EGR2: variants seen among roughly 807,000 people sequenced by gnomAD.
EGR2 encodes the protein early growth response 2.
EGR2 carries 2 observed loss-of-function variants against 21.2 expected under a neutral mutation model. The observed-to-expected ratio is 0.09, with a 90% CI of 0.04 to 0.30. The LOEUF is 0.30. Ranked by LOEUF, EGR2 falls within the 10% of genes least tolerant of loss-of-function variation. EGR2 has a pLI of 1.00. For missense variants in EGR2, 458 were observed against 630.2 expected (o/e 0.73, Z 2.93); for synonymous variants, 282 against 258.2 (o/e 1.09, Z -0.88).
intron 1 of EGR2, among the ~76,000 whole-genome samples, chr10:62,815,597 A>T (rs1842244865): frequency 6.6e-6 from 1 of 151,566 alleles, no homozygotes; most frequent in South Asian, 2.1e-4. Context: ...CGCCTCTTCC[A>T]CCCCCATCCC....
In EGR2 at chr10:62,815,899, A is replaced by T; in HGVS notation, c.131T>A (p.Leu44Gln). The change falls in exon 1 of 2, where the codon CTG becomes CAG. Residue 44 changes from leucine (L) to glutamine (Q), a missense_variant. Coordinates refer to ENST00000242480, the MANE Select transcript of EGR2 (RefSeq NM_000399.5). ...TSVTIFPNAE[L>Q]GGPFDQMNGV... ...GTTCATCTGGTCAAAGGGGCCTCCC[A>T]GTTCGGCATTGGGAAAGATGGTCAC... The T allele has an allele frequency of 6.2e-7, 1 of 1,614,158 alleles. No homozygotes were observed. Among genetic ancestry groups the T allele is most frequent in the Non-Finnish European group, 8.5e-7 (1 of 1,179,974 alleles).
chr10:62,814,900 C>T lies in EGR2; in HGVS notation c.170-432G>A, dbSNP rs1842221107. Among the ~76,000 whole-genome samples the T allele has an allele frequency of 6.6e-6, 1 of 152,178 alleles. No homozygotes were observed. Among genetic ancestry groups the T allele is most frequent in the Non-Finnish European group, 1.5e-5 (1 of 68,038 alleles). ...AAGAATCGACCTATCCCAGTCAGTG[C>T]CGTGATGGTGCCAAACCGAGAGGAG... On this transcript the variant is annotated intron_variant, in intron 1 of 1. Transcript: ENST00000242480. The surrounding 1 kb of genome is among the most constrained non-coding windows in gnomAD (Gnocchi z 4.8).
upstream of EGR2, among the ~76,000 whole-genome samples, chr10:62,818,142 G>A (rs1338060543): frequency 2.0e-5 from 3 of 152,148 alleles, no homozygotes; most frequent in Non-Finnish European, 4.4e-5. Context: ...GAAGCGCGGC[G>A]CTGCAGGCGG....
At chr10:62,815,802 C>T (rs1304990943) in intron 1 of EGR2, 59 bp downstream of exon 1, 20 of 1,599,742 alleles carry the variant, frequency 1.3e-5, no homozygotes, top group South Asian at 1.0e-4. Context: ...ACACCCACTG[C>T]ACCCCATCCA....
Position 62,813,465 on chromosome 10 carries a change from G to A in EGR2, c.1173C>T (p.Thr391=), listed in dbSNP as rs759778651. ...RSDHLTTHIR[T]HTGEKPFACD... ...AGGCGAAGGGCTTCTCACCGGTGTG[G>A]GTGCGGATATGGGTGGTGAGGTGGT... The change falls in exon 2 of 2, where the codon ACC becomes ACT. Residue 391 remains threonine, a synonymous_variant. Coordinates refer to ENST00000242480, the MANE Select transcript of EGR2 (RefSeq NM_000399.5). The surrounding 1 kb of genome is among the most constrained non-coding windows in gnomAD (Gnocchi z 5.7). 1 of 1,614,088 alleles carries A rather than the reference G, an allele frequency of 6.2e-7. No homozygotes were observed. Among genetic ancestry groups the A allele is most frequent in the Non-Finnish European group, 8.5e-7 (1 of 1,180,050 alleles).
chr10:62,815,314 TACTA>T (rs953637247), intron 1 of EGR2, among the ~76,000 whole-genome samples: 4 of 152,118 alleles, frequency 2.6e-5, no homozygotes, highest in Admixed American at 6.5e-5. Flanking sequence ...GCCCCCGCCT[TACTA>T]ACCCCCTCAA....
upstream of EGR2, chr10:62,818,574 C>G (rs1234619207): frequency 7.8e-7 from 1 of 1,277,696 alleles, no homozygotes; most frequent in Non-Finnish European, 1.0e-6. Flanking sequence ...TGCGCTCTGG[C>G]GGGTCCCGCG....
upstream of EGR2, chr10:62,818,533 G>A: frequency 1.1e-5 from 13 of 1,227,824 alleles, no homozygotes; most frequent in Non-Finnish European, 1.4e-5. Flanking sequence ...AGATAGCTGC[G>A]TTCTTACCAC....
intron 1 of EGR2, 104 bp downstream of exon 1, chr10:62,815,757 C>T (rs757183289): frequency 7.1e-6 from 10 of 1,410,620 alleles, no homozygotes; most frequent in Non-Finnish European, 8.8e-6. Flanking sequence ...CAGCACCGTC[C>T]ACCTGGAGCC....
Position 62,814,073 on chromosome 10 carries a change from G to A in EGR2, c.565C>T (p.Leu189=). 2 of 1,614,114 alleles carry A rather than the reference G, an allele frequency of 1.2e-6. No homozygotes were observed. The highest frequency in any genetic ancestry group is 1.1e-5 in the South Asian group (1 of 91,086). The change falls in exon 2 of 2, where the codon CTG becomes TTG. Residue 189 remains leucine, a synonymous_variant. Transcript: ENST00000242480. The surrounding 1 kb of genome is among the most constrained non-coding windows in gnomAD (Gnocchi z 4.8). ...GDLYQDPSAF[L]SAATTSTSSS... ...GAGGTGGAGGTGGTGGCTGCTGACA[G>A]GAACGCAGAAGGGTCCTGGTAGAGG... is the stretch of plus-strand genomic sequence containing the variant.
chr10:62,817,160 C>T (rs1838269283), upstream of EGR2, among the ~76,000 whole-genome samples: 1 of 152,194 alleles, frequency 6.6e-6, no homozygotes, highest in African/African-American at 2.4e-5. This position sits in a 1 kb window ranked among gnomAD's most constrained non-coding sequence, Gnocchi z 4.4. Context: ...GAGACACCCT[C>T]CTTCCTCTGC....
At position 62,816,067 on chromosome 10, in the gene EGR2, T is replaced by C. The variant is rs758114205; in HGVS notation, c.-38A>G. ...CAACCTGGAGACCCAACTCCCTCGC[T>C]ACCTGGAGTGTCAGAAAAGCCGTTT... On this transcript the variant is annotated 5_prime_UTR_variant, in exon 1 of 2. Coordinates refer to ENST00000242480, the MANE Select transcript of EGR2 (RefSeq NM_000399.5). 3.1e-6 allele frequency: 5 copies of C among 1,613,864 alleles called. No homozygotes were observed. Among genetic ancestry groups the C allele is most frequent in the Non-Finnish European group, 4.2e-6 (5 of 1,179,990 alleles).
At chr10:62,818,712 G>T, upstream of EGR2, 1 of 882,666 alleles carries the variant, frequency 1.1e-6, no homozygotes, top group Non-Finnish European at 1.5e-6. Context: ...TGGGGCTCGG[G>T]TTACGGCCCC....
chr10:62,816,305 G>A lies in EGR2; in HGVS notation c.-276C>T, dbSNP rs1177290971. 4.7e-5 allele frequency: 62 copies of A among 1,324,812 alleles called. No homozygotes were observed. Among genetic ancestry groups the A allele is most frequent in the Non-Finnish European group, 5.5e-5 (57 of 1,031,578 alleles). 82.1% of individuals were successfully genotyped at this position (1,324,812 alleles called of 1,614,324 possible). A position where few individuals can be genotyped will look rare whatever the true frequency, so the allele number is the denominator to read the frequency against. The stretch of plus-strand genomic sequence containing the variant: ...GGAAGCCAGGAGTTGCTGGTGTAGT[G>A]TTATTATAACAGTCAGTGAGTCCCC... On this transcript the variant is annotated 5_prime_UTR_variant, in exon 1 of 2. Transcript: ENST00000242480.
Position 62,814,106 on chromosome 10 carries a change from C to T in EGR2, c.532G>A (p.Ala178Thr), listed in dbSNP as rs1244249285. Residue 178 changes from alanine to threonine, a missense_variant, in exon 2 of 2, where the codon GCA becomes ACA. Transcript: ENST00000242480. This position sits in a 1 kb window ranked among gnomAD's most constrained non-coding sequence, Gnocchi z 4.8. Reference sequence around the variant, plus strand: ...GAAGGGTCCTGGTAGAGGTCTCCTGCACAGCCAGAATAAGGAGGAGGAGGC... The same window carrying T: ...GAAGGGTCCTGGTAGAGGTCTCCTGTACAGCCAGAATAAGGAGGAGGAGGC... Reference protein sequence around the residue: ...PPPPPPYSGCAGDLYQDPSAF... With the variant: ...PPPPPPYSGCTGDLYQDPSAF... 6.2e-7 allele frequency: 1 copy of T among 1,613,766 alleles called. No individual in the cohort carries two copies. Among genetic ancestry groups the T allele is most frequent in the Non-Finnish European group, 8.5e-7 (1 of 1,179,866 alleles).
Position 62,814,213 on chromosome 10 carries a change from T to A in EGR2, c.425A>T (p.Asn142Ile), listed in dbSNP as rs552315452. ...ASSSVTSASPNPLATGPLGVC... is the reference protein window; with the variant it reads ...ASSSVTSASPIPLATGPLGVC... ...ACCCAGGGGTCCTGTGGCCAGTGGG[T>A]TGGGGGAGGCAGAGGTGACGCTGGA... The change falls in exon 2 of 2, where the codon AAC becomes ATC. Residue 142 changes from asparagine to isoleucine, a missense_variant. Asn to Ile is a moderately radical substitution (Grantham distance 149, BLOSUM62 -3). Around this residue, in one of 5 missense-constraint regions of EGR2, gnomAD observed 253 missense variants for 315.5 expected, o/e 0.80. Transcript: ENST00000242480. This position sits in a 1 kb window ranked among gnomAD's most constrained non-coding sequence, Gnocchi z 4.8. The A allele has an allele frequency of 6.2e-7, 1 of 1,613,800 alleles. No homozygotes were observed. The highest frequency in any genetic ancestry group is 1.3e-5 in the African/African-American group (1 of 74,880).
At chr10:62,817,250 G>T (rs1009188461), upstream of EGR2, among the ~76,000 whole-genome samples, 1 of 152,076 alleles carries the variant, frequency 6.6e-6, no homozygotes, top group Non-Finnish European at 1.5e-5. This position sits in a 1 kb window ranked among gnomAD's most constrained non-coding sequence, Gnocchi z 4.4. Context: ...GGCTGCGTGG[G>T]GGCGTCCAGA....
At chr10:62,817,397 C>T (rs939622288), upstream of EGR2, among the ~76,000 whole-genome samples, 2 of 152,218 alleles carry the variant, frequency 1.3e-5, no homozygotes, top group African/African-American at 2.4e-5. This position sits in a 1 kb window ranked among gnomAD's most constrained non-coding sequence, Gnocchi z 4.4. Flanking sequence ...ACACACCTCC[C>T]TGTTGACTGC....
At chr10:62,818,040 GCCTGT>G (rs1486123178), upstream of EGR2, among the ~76,000 whole-genome samples, 1 of 152,254 alleles carries the variant, frequency 6.6e-6, no homozygotes, top group East Asian at 1.9e-4. Context: ...AGCCTCGCAG[GCCTGT>G]CCTGTCCCTT....
Sources: allele counts gnomAD v4.1 joint callset (sites outside exome capture counted in the v4.1 genomes callset), GRCh38; gene constraint gnomAD v4.1.1; regional missense constraint gnomAD v4.1.1; non-coding constraint Gnocchi (gnomAD v3.1); transcripts MANE v1.5; gene names NCBI Gene and HGNC (gene_info 2026-07-23, HGNC 2026-07-21).